The following MAPKAPK3 variants were observed in gnomAD, a reference collection of about 807,000 sequenced individuals.
The protein encoded by MAPKAPK3 is MAPK activated protein kinase 3.
In MAPKAPK3, 35 loss-of-function variants were observed where a neutral mutation model predicts 49.2. That is an observed-to-expected ratio of 0.71 (90% CI 0.54 to 0.94). The LOEUF (loss-of-function observed/expected upper bound fraction) is 0.94, where lower values mean the gene tolerates loss of function less well. Among genes scored for constraint, MAPKAPK3 ranks in the 40% least tolerant of loss-of-function variants. The probability of loss-of-function intolerance (pLI) is 0.00; values close to 1 mark genes in which losing one functional copy is unlikely to be tolerated. For missense variants in MAPKAPK3, 398 were observed against 493.1 expected (o/e 0.81, Z 1.83); for synonymous variants, 178 against 188.7 (o/e 0.94, Z 0.46).
chr3:50,617,611 C>A lies in MAPKAPK3; in HGVS notation c.46C>A (p.Pro16Thr). Residue 16 changes from proline to threonine, a missense_variant, in exon 2 of 11, where the codon CCA becomes ACA. This residue lies in a region of MAPKAPK3 where 123 missense variants were observed against 117.7 expected (regional missense o/e 1.04). Transcript: ENST00000621469. ...AEEQGGPVPP[P>T]VAPGGPGLGG... ...GGAGCAGGGGGGCCCTGTGCCCCCG[C>A]CAGTTGCACCCGGCGGACCCGGCTT... 6.2e-7 allele frequency: 1 copy of A among 1,603,584 alleles called. No individual in the cohort carries two copies. The highest frequency in any genetic ancestry group is 8.5e-7 in the Non-Finnish European group (1 of 1,172,320).
At chr3:50,636,981 C>T (rs2033056688) in intron 2 of MAPKAPK3, among the ~76,000 whole-genome samples, 2 of 152,066 alleles carry the variant, frequency 1.3e-5, no homozygotes, top group African/African-American at 4.8e-5. Flanking sequence ...AGGGCTTTGG[C>T]GTTTGTAGAG....
chr3:50,618,549 AC>A (rs2032529745), intron 2 of MAPKAPK3, among the ~76,000 whole-genome samples: 1 of 152,130 alleles, frequency 6.6e-6, no homozygotes, highest in Non-Finnish European at 1.5e-5. Flanking sequence ...GCCTAGGGCC[AC>A]ACCCCATACC....
At chr3:50,618,339 G>C (rs372298066) in intron 2 of MAPKAPK3, among the ~76,000 whole-genome samples, 1 of 152,190 alleles carries the variant, frequency 6.6e-6, no homozygotes, top group South Asian at 2.1e-4. Flanking sequence ...GACTCCTGAC[G>C]AGTCGCTGGT....
intron 2 of MAPKAPK3, among the ~76,000 whole-genome samples, chr3:50,634,219 C>T (rs978225593): frequency 2.6e-5 from 4 of 152,222 alleles, no homozygotes; most frequent in African/African-American, 4.8e-5. Flanking sequence ...TGGGGACCCA[C>T]ACCTCAGGTG....
upstream of MAPKAPK3, chr3:50,611,658 C>G: frequency 6.7e-7 from 1 of 1,486,672 alleles, no homozygotes; most frequent in Non-Finnish European, 8.9e-7. Flanking sequence ...CATGTCCCCG[C>G]GGCAGCGGCG....
chr3:50,612,207 G>A (rs1427875967), upstream of MAPKAPK3: 2 of 152,588 alleles, frequency 1.3e-5, no homozygotes, highest in East Asian at 3.9e-4. Context: ...CGCCCAGATT[G>A]CCTTCTGGCA....
intron 2 of MAPKAPK3, among the ~76,000 whole-genome samples, chr3:50,638,230 C>T (rs1275980121): frequency 6.6e-6 from 1 of 151,966 alleles, no homozygotes; most frequent in Non-Finnish European, 1.5e-5. Context: ...AGGAGAGAAC[C>T]AGGCAGGGGG....
At chr3:50,634,844 C>T (rs890601674) in intron 2 of MAPKAPK3, among the ~76,000 whole-genome samples, 12 of 152,298 alleles carry the variant, frequency 7.9e-5, no homozygotes, top group African/African-American at 2.9e-4. Flanking sequence ...ACATCATTGC[C>T]CATTTCAGGT....
At chr3:50,626,167 C>T (rs972225831) in intron 2 of MAPKAPK3, among the ~76,000 whole-genome samples, 2 of 151,822 alleles carry the variant, frequency 1.3e-5, no homozygotes, top group African/African-American at 4.8e-5. Flanking sequence ...GAGACTTTTG[C>T]TTGGGACAAT....
chr3:50,635,579 A>G (rs9868889), intron 2 of MAPKAPK3, among the ~76,000 whole-genome samples: 131,886 of 151,366 alleles, frequency 0.87, 59,128 homozygotes, highest in Non-Finnish European at 0.99. Flanking sequence ...CACCACACTA[A>G]CTAATTTTTG....
At chr3:50,619,967 G>C in intron 2 of MAPKAPK3, among the ~76,000 whole-genome samples, 1 of 152,096 alleles carries the variant, frequency 6.6e-6, no homozygotes, top group Non-Finnish European at 1.5e-5. Flanking sequence ...GGACCTTCAG[G>C]ATCTGGCCCT....
At chr3:50,614,730 A>T (rs2032421075), upstream of MAPKAPK3, among the ~76,000 whole-genome samples, 1 of 152,138 alleles carries the variant, frequency 6.6e-6, no homozygotes, top group South Asian at 2.1e-4. Flanking sequence ...GAACATGAGC[A>T]CTAAGGGAAA....
At chr3:50,637,345 T>C (rs1038685308) in intron 2 of MAPKAPK3, among the ~76,000 whole-genome samples, 1 of 152,088 alleles carries the variant, frequency 6.6e-6, no homozygotes, top group Non-Finnish European at 1.5e-5. Flanking sequence ...GCAAAACCAG[T>C]AAGAAAGGTG....
At chr3:50,639,061 G>A (rs1050202929) in intron 2 of MAPKAPK3, among the ~76,000 whole-genome samples, 5 of 152,208 alleles carry the variant, frequency 3.3e-5, no homozygotes, top group Admixed American at 2.6e-4. Flanking sequence ...GCCACTGTGA[G>A]GCCTTGTTCA....
intron 2 of MAPKAPK3, among the ~76,000 whole-genome samples, chr3:50,621,502 G>C (rs1157754661): frequency 7.9e-5 from 12 of 151,688 alleles, no homozygotes; most frequent in Non-Finnish European, 1.5e-4. Flanking sequence ...GGAGACTGAG[G>C]CAGGAGAATC....
At chr3:50,634,065 G>A (rs1038000909) in intron 2 of MAPKAPK3, among the ~76,000 whole-genome samples, 1 of 152,198 alleles carries the variant, frequency 6.6e-6, no homozygotes, top group Admixed American at 6.5e-5. Context: ...CCTTCTGGCT[G>A]CTGGCTCTGG....
chr3:50,647,902 G>T lies in MAPKAPK3; in HGVS notation c.1005G>T (p.Met335Ile). 6.2e-7 allele frequency: 1 copy of T among 1,613,026 alleles called. No individual in the cohort carries two copies. Among genetic ancestry groups the T allele is most frequent in the South Asian group, 1.1e-5 (1 of 90,914 alleles). Reference sequence around the variant, plus strand: ...ATCCTGTCTGTCCCCAGGAGGAGATGACCAGTGCCTTGGCCACTATGCGGG... The same window carrying T: ...ATCCTGTCTGTCCCCAGGAGGAGATTACCAGTGCCTTGGCCACTATGCGGG... ...KDHWDEVKEE[M>I]TSALATMRVD... Residue 335 changes from methionine to isoleucine, a missense_variant, in exon 11 of 11, where the codon ATG becomes ATT. Coordinates refer to ENST00000621469, the MANE Select transcript of MAPKAPK3 (RefSeq NM_001243925.2).
At chr3:50,641,899 C>G in intron 4 of MAPKAPK3, 128 bp downstream of exon 4, 1 of 835,156 alleles carries the variant, frequency 1.2e-6, no homozygotes. Context: ...GGGTGAGACT[C>G]AGTGTCCATC....
chr3:50,627,603 GGA>G (rs1009300444), intron 2 of MAPKAPK3, among the ~76,000 whole-genome samples: 4 of 152,186 alleles, frequency 2.6e-5, no homozygotes, highest in African/African-American at 9.7e-5. Flanking sequence ...GGCAGGCCCA[GGA>G]GAGGGGGAGT....
Sources: allele counts gnomAD v4.1 joint callset (sites outside exome capture counted in the v4.1 genomes callset), GRCh38; gene constraint gnomAD v4.1.1; regional missense constraint gnomAD v4.1.1; transcripts MANE v1.5; gene names NCBI Gene and HGNC (gene_info 2026-07-23, HGNC 2026-07-21).